NFIA: variants seen among roughly 807,000 people sequenced by gnomAD.
NFIA encodes nuclear factor I A.
A neutral mutation model predicts 62.8 loss-of-function variants in NFIA; 8 were observed. That is an observed-to-expected ratio of 0.13 (90% CI 0.07 to 0.23). The LOEUF is 0.23. Ranked by LOEUF, NFIA falls within the 10% of genes least tolerant of loss-of-function variation. NFIA has a pLI of 1.00. For synonymous variants in NFIA, 235 were observed against 238.1 expected (o/e 0.99, Z 0.12); for missense variants, 410 against 642.1 (o/e 0.64, Z 3.91).
rs545245977 is a variant in NFIA at position 61,462,756 on chromosome 1, C to T, written c.*7436C>T. On this transcript the variant is annotated 3_prime_UTR_variant, in exon 11 of 11. Transcript: ENST00000403491. The stretch of plus-strand genomic sequence containing the variant: ...AGCAAGTACTGCATTTCCTATGCAA[C>T]AAAAAAGGAAAAATAAAAAATTGCT... 3 of 151,982 alleles carry T rather than the reference C, an allele frequency of 2.0e-5. No homozygotes were observed. Among genetic ancestry groups the T allele is most frequent in the Non-Finnish European group, 2.9e-5 (2 of 67,994 alleles). 9.4% of individuals were successfully genotyped at this position (151,982 alleles called of 1,614,324 possible). A position where few individuals can be genotyped will look rare whatever the true frequency, so the allele number is the denominator to read the frequency against.
At chr1:61,182,745 T>C (rs1198771654) in intron 2 of NFIA, among the ~76,000 whole-genome samples, 1 of 152,220 alleles carries the variant, frequency 6.6e-6, no homozygotes, top group Non-Finnish European at 1.5e-5. Context: ...TTTTGTCCAG[T>C]TTTCTGTATA....
chr1:61,267,614 A>G (rs1312999777), intron 2 of NFIA, among the ~76,000 whole-genome samples: 2 of 152,210 alleles, frequency 1.3e-5, no homozygotes, highest in African/African-American at 4.8e-5. Flanking sequence ...ACCTCTCTTT[A>G]TCTCACTAGA....
chr1:61,158,507 G>A (rs1311860016), intron 2 of NFIA, among the ~76,000 whole-genome samples: 1 of 152,122 alleles, frequency 6.6e-6, no homozygotes, highest in African/African-American at 2.4e-5. Flanking sequence ...GGATTAATAT[G>A]TTTTACAAGA....
chr1:61,186,288 C>A (rs1570339579), intron 2 of NFIA, among the ~76,000 whole-genome samples: 1 of 152,004 alleles, frequency 6.6e-6, no homozygotes, highest in South Asian at 2.1e-4. Flanking sequence ...CACTCAGAAC[C>A]TCTGTAAAAG....
chr1:61,234,629 C>T (rs1373031709), intron 2 of NFIA, among the ~76,000 whole-genome samples: 2 of 152,114 alleles, frequency 1.3e-5, no homozygotes, highest in African/African-American at 2.4e-5. Context: ...ATGGTTAGCT[C>T]TAGTCCCAGC....
intron 2 of NFIA, among the ~76,000 whole-genome samples, chr1:61,115,681 G>A (rs1014962922): frequency 6.6e-6 from 1 of 152,198 alleles, no homozygotes; most frequent in African/African-American, 2.4e-5. Context: ...GCAAGCACCC[G>A]TGCTTTACCT....
At chr1:61,123,260 A>G (rs1646916935) in intron 2 of NFIA, among the ~76,000 whole-genome samples, 1 of 152,202 alleles carries the variant, frequency 6.6e-6, no homozygotes, top group Non-Finnish European at 1.5e-5. Context: ...TTTGATACGC[A>G]GGCCATCCTA....
At chr1:61,333,090 C>CACACACAT (rs1254832509) in intron 4 of NFIA, among the ~76,000 whole-genome samples, 2 of 151,314 alleles carry the variant, frequency 1.3e-5, no homozygotes, top group African/African-American at 4.9e-5. Context: ...CACACACACA[C>CACACACAT]ATACACAGTT....
intron 10 of NFIA, among the ~76,000 whole-genome samples, chr1:61,437,719 GA>G (rs1430774449): frequency 6.6e-6 from 1 of 152,208 alleles, no homozygotes; most frequent in African/African-American, 2.4e-5. Flanking sequence ...GCTCATGGAA[GA>G]TATGCCAGAG....
At chr1:61,346,607 A>G (rs1229954756) in intron 4 of NFIA, among the ~76,000 whole-genome samples, 2 of 152,134 alleles carry the variant, frequency 1.3e-5, no homozygotes, top group African/African-American at 4.8e-5. Context: ...TTTCCATTGT[A>G]AAAATTCTAT....
intron 2 of NFIA, among the ~76,000 whole-genome samples, chr1:61,121,241 A>G (rs1646881914): frequency 6.6e-6 from 1 of 152,134 alleles, no homozygotes; most frequent in Non-Finnish European, 1.5e-5. Flanking sequence ...TTTATTAGGT[A>G]ATATGCTATG....
intron 2 of NFIA, among the ~76,000 whole-genome samples, chr1:61,265,145 T>G (rs146995685): frequency 6.6e-6 from 1 of 152,356 alleles, no homozygotes; most frequent in East Asian, 1.9e-4. Context: ...TAAAGTTCAC[T>G]GGAAAATCAC....
intron 3 of NFIA, among the ~76,000 whole-genome samples, chr1:61,281,774 A>G (rs1658148193): frequency 6.6e-6 from 1 of 152,220 alleles, no homozygotes; most frequent in African/African-American, 2.4e-5. Context: ...TGGCTTATTA[A>G]AAACTATAAG....
At chr1:61,093,179 A>G (rs1321922939) in intron 2 of NFIA, among the ~76,000 whole-genome samples, 1 of 152,142 alleles carries the variant, frequency 6.6e-6, no homozygotes, top group Non-Finnish European at 1.5e-5. Context: ...TAGCAGCTAC[A>G]TGTATGTGTG....
intron 2 of NFIA, among the ~76,000 whole-genome samples, chr1:61,170,113 T>C (rs1279515978): frequency 6.6e-6 from 1 of 152,100 alleles, no homozygotes; most frequent in Non-Finnish European, 1.5e-5. Context: ...TGTGTTGGCC[T>C]CCTCATCTGG....
At chr1:61,369,323 A>G (rs571612950) in intron 6 of NFIA, among the ~76,000 whole-genome samples, 2 of 152,150 alleles carry the variant, frequency 1.3e-5, no homozygotes, top group Non-Finnish European at 2.9e-5. Flanking sequence ...ACAAGCAAAT[A>G]ATTTACTTGG....
intron 2 of NFIA, among the ~76,000 whole-genome samples, chr1:61,143,449 G>A (rs1647688436): frequency 6.6e-6 from 1 of 152,042 alleles, no homozygotes; most frequent in Non-Finnish European, 1.5e-5. Flanking sequence ...GAGTATAGTG[G>A]TGCAGTCTCA....
intron 2 of NFIA, among the ~76,000 whole-genome samples, chr1:61,148,782 A>G (rs766199194): frequency 3.3e-5 from 5 of 152,248 alleles, no homozygotes; most frequent in Non-Finnish European, 4.4e-5. Context: ...AAGATGAAGG[A>G]AAACTATTGA....
intron 10 of NFIA, among the ~76,000 whole-genome samples, chr1:61,427,938 A>C (rs978785580): frequency 6.6e-6 from 1 of 152,200 alleles, no homozygotes; most frequent in African/African-American, 2.4e-5. Flanking sequence ...TTGCATAATT[A>C]CCTGTAAAGC....
Sources: allele counts gnomAD v4.1 joint callset (sites outside exome capture counted in the v4.1 genomes callset), GRCh38; gene constraint gnomAD v4.1.1; transcripts MANE v1.5; gene names NCBI Gene and HGNC (gene_info 2026-07-23, HGNC 2026-07-21).